The following ZFHX3 variants were observed in gnomAD, a reference collection of about 807,000 sequenced individuals.
The protein encoded by ZFHX3 is zinc finger homeobox protein 3.
A neutral mutation model predicts 279.1 loss-of-function variants in ZFHX3; 42 were observed. That is an observed-to-expected ratio of 0.15 (90% CI 0.12 to 0.19). The LOEUF is 0.19. Ranked by LOEUF, ZFHX3 falls within the 10% of genes least tolerant of loss-of-function variation. The probability of loss-of-function intolerance (pLI) is 1.00; values close to 1 mark genes in which losing one functional copy is unlikely to be tolerated. For missense variants in ZFHX3, 4,981 were observed against 4,754.0 expected (o/e 1.05, Z -1.40); for synonymous variants, 2,293 against 1,957.8 (o/e 1.17, Z -4.52).
intron 1 of ZFHX3, among the ~76,000 whole-genome samples, chr16:73,032,661 A>G (rs1389900941): frequency 6.6e-6 from 1 of 151,304 alleles, no homozygotes; most frequent in African/African-American, 2.4e-5. Context: ...CACTTTTTAA[A>G]GCTCAGCATT....
chr16:73,448,143 G>A (rs1184380741), intron 3 of ZFHX3, among the ~76,000 whole-genome samples: 1 of 152,124 alleles, frequency 6.6e-6, no homozygotes, highest in Non-Finnish European at 1.5e-5. Context: ...CCCATCCAGG[G>A]TAACGAATCT....
At chr16:73,244,418 C>T (rs955368322) in intron 5 of ZFHX3, among the ~76,000 whole-genome samples, 17 of 152,130 alleles carry the variant, frequency 1.1e-4, no homozygotes, top group African/African-American at 4.1e-4. Context: ...GTGAAAGATT[C>T]GAGAATGATT....
intron 1 of ZFHX3, among the ~76,000 whole-genome samples, chr16:73,012,067 T>A (rs1179822786): frequency 6.6e-6 from 1 of 152,198 alleles, no homozygotes; most frequent in Non-Finnish European, 1.5e-5. Context: ...TACAGTCAAA[T>A]GTCACAGCCA....
chr16:73,406,530 G>T (rs12933551), intron 3 of ZFHX3, among the ~76,000 whole-genome samples: 1 of 152,004 alleles, frequency 6.6e-6, no homozygotes. Flanking sequence ...TGACAGCTTC[G>T]CGTAGCTGCT....
At chr16:73,172,956 T>C (rs1967568765) in intron 5 of ZFHX3, among the ~76,000 whole-genome samples, 1 of 145,142 alleles carries the variant, frequency 6.9e-6, no homozygotes, top group South Asian at 2.2e-4. Context: ...TTTCTTTCTT[T>C]CTTTCTCCCC....
chr16:73,273,862 G>A (rs1313477854), intron 4 of ZFHX3, among the ~76,000 whole-genome samples: 3 of 152,184 alleles, frequency 2.0e-5, no homozygotes, highest in Non-Finnish European at 4.4e-5. Flanking sequence ...AAATTTGTAG[G>A]CCGGATGCGG....
intron 2 of ZFHX3, among the ~76,000 whole-genome samples, chr16:73,623,321 C>G (rs1597033335): frequency 6.6e-6 from 1 of 152,200 alleles, no homozygotes. Context: ...CAGGCTTGAG[C>G]CACTGCGCCC....
chr16:73,236,292 T>A (rs990658370), intron 5 of ZFHX3, among the ~76,000 whole-genome samples: 11 of 152,200 alleles, frequency 7.2e-5, no homozygotes, highest in Non-Finnish European at 1.2e-4. Flanking sequence ...TGTAATGCCA[T>A]CTTTCTTTAA....
At chr16:73,352,150 T>C (rs910675384) in intron 3 of ZFHX3, among the ~76,000 whole-genome samples, 10 of 152,296 alleles carry the variant, frequency 6.6e-5, no homozygotes, top group African/African-American at 2.4e-4. Flanking sequence ...CTATCTTTTA[T>C]ACACAGCCTT....
chr16:72,825,614 T>TGCTG (rs1014471267), intron 5 of ZFHX3, among the ~76,000 whole-genome samples: 1 of 152,222 alleles, frequency 6.6e-6, no homozygotes, highest in Admixed American at 6.5e-5. Flanking sequence ...GAGCAATTCA[T>TGCTG]GGCATGCCTG....
intron 3 of ZFHX3, chr16:73,402,396 C>A (rs2143435286): frequency 6.6e-6 from 1 of 152,336 alleles, no homozygotes; most frequent in East Asian, 1.9e-4. Flanking sequence ...ATATCCAATT[C>A]CCCATGGCCT....
intron 1 of ZFHX3, among the ~76,000 whole-genome samples, chr16:73,043,271 T>C (rs1457029169): frequency 1.3e-5 from 2 of 152,130 alleles, no homozygotes; most frequent in Admixed American, 1.3e-4. Flanking sequence ...AATCCTCATG[T>C]TGAGACTGCT....
intron 5 of ZFHX3, among the ~76,000 whole-genome samples, chr16:73,176,800 T>G (rs1436941699): frequency 6.6e-6 from 1 of 152,100 alleles, no homozygotes; most frequent in African/African-American, 2.4e-5. Context: ...AGCCCTATCC[T>G]GCCATCTAAT....
At chr16:73,456,347 T>A (rs2018371419) in intron 2 of ZFHX3, 2 of 152,268 alleles carry the variant, frequency 1.3e-5, no homozygotes, top group South Asian at 4.2e-4. Context: ...CCTCCCCACT[T>A]TCCCCCTCCC....
intron 1 of ZFHX3, among the ~76,000 whole-genome samples, chr16:73,698,609 T>C (rs1234909813): frequency 1.3e-5 from 2 of 152,144 alleles, no homozygotes; most frequent in South Asian, 2.1e-4. Context: ...AGGGTATTCC[T>C]GCCAAAATTA....
intron 3 of ZFHX3, among the ~76,000 whole-genome samples, chr16:73,374,775 T>C (rs12149821): frequency 0.43 from 64,910 of 152,098 alleles, 16,326 homozygotes; most frequent in Non-Finnish European, 0.58. Flanking sequence ...GTTAGTGCTA[T>C]AGAGTTTCAC....
chr16:73,018,874 A>C (rs1187685745), intron 1 of ZFHX3, among the ~76,000 whole-genome samples: 7 of 152,122 alleles, frequency 4.6e-5, no homozygotes, highest in Admixed American at 1.3e-4. Flanking sequence ...ACCAACCCAG[A>C]AAGAACTCAC....
chr16:72,871,911 G>A (rs1033347438), intron 4 of ZFHX3, among the ~76,000 whole-genome samples: 3 of 152,062 alleles, frequency 2.0e-5, no homozygotes, highest in Admixed American at 6.5e-5. Context: ...CAGTGAAACC[G>A]TGTCTCTACT....
intron 2 of ZFHX3, among the ~76,000 whole-genome samples, chr16:73,468,346 C>G (rs2143596229): frequency 6.6e-6 from 1 of 152,298 alleles, no homozygotes; most frequent in East Asian, 1.9e-4. Flanking sequence ...AGGACGGTTC[C>G]TGGAAACTGA....
Sources: allele counts gnomAD v4.1 joint callset (sites outside exome capture counted in the v4.1 genomes callset), GRCh38; gene constraint gnomAD v4.1.1; transcripts MANE v1.5; gene names NCBI Gene and HGNC (gene_info 2026-07-23, HGNC 2026-07-21).